The following LMF1 variants were observed in gnomAD, a reference collection of about 807,000 sequenced individuals.
LMF1 encodes lipase maturation factor 1.
In LMF1, 68 loss-of-function variants were observed where a neutral mutation model predicts 60.6. The ratio of observed to expected loss-of-function variants is 1.12; its 90% confidence interval spans 0.92 to 1.37. The LOEUF is 1.37. Among genes scored for constraint, LMF1 ranks in the 40% most tolerant of loss-of-function variants. The pLI is 0.00. For missense variants in LMF1, 948 were observed against 767.2 expected (o/e 1.24, Z -2.78); for synonymous variants, 418 against 324.7 (o/e 1.29, Z -3.09).
At chr16:932,087 C>T (rs775627951) in intron 3 of LMF1, among the ~76,000 whole-genome samples, 13 of 152,222 alleles carry the variant, frequency 8.5e-5, no homozygotes, top group Non-Finnish European at 1.3e-4. Context: ...GTTGGGGACG[C>T]GGGAGGCTGG....
chr16:947,103 AAGG>A (rs1309082577), intron 2 of LMF1, among the ~76,000 whole-genome samples: 1 of 152,204 alleles, frequency 6.6e-6, no homozygotes, highest in African/African-American at 2.4e-5. Flanking sequence ...CGCCATTTGA[AAGG>A]AGGACACGAC....
At chr16:978,947 G>A (rs900670423) in intron 1 of LMF1, 2 of 453,766 alleles carry the variant, frequency 4.4e-6, no homozygotes, top group African/African-American at 4.0e-5. Context: ...TCAGGGCTCA[G>A]CTTAAATGAC....
At chr16:980,144 A>G (rs1291001780) in intron 1 of LMF1, 7 of 233,220 alleles carry the variant, frequency 3.0e-5, no homozygotes, top group Non-Finnish European at 3.5e-5. Flanking sequence ...CAGAGATGAG[A>G]CCGCCCTCCG....
intron 5 of LMF1, among the ~76,000 whole-genome samples, chr16:891,086 C>T (rs1173518825): frequency 3.9e-5 from 6 of 152,236 alleles, no homozygotes; most frequent in African/African-American, 1.4e-4. Context: ...ACTGGGTGCT[C>T]ATGGGGGCGG....
Position 854,268 on chromosome 16 carries a change from G to C in LMF1, c.*264C>G, listed in dbSNP as rs1291830123. 1 of 662,206 alleles carries C rather than the reference G, an allele frequency of 1.5e-6. No individual in the cohort carries two copies. The highest frequency in any genetic ancestry group is 2.9e-5 in the East Asian group (1 of 34,070). The allele number at this position is 662,206 out of a possible 1,614,324, so 41.0% of individuals were successfully genotyped here. A position where few individuals can be genotyped will look rare whatever the true frequency, so the allele number is the denominator to read the frequency against. Reference sequence around the variant, plus strand: ...GCCCCAGGCTGGGCCTCTGGGAGGAGGGTGGGATGGATGGGAGATCAGAGC... The same window carrying C: ...GCCCCAGGCTGGGCCTCTGGGAGGACGGTGGGATGGATGGGAGATCAGAGC... On this transcript the variant is annotated 3_prime_UTR_variant, in exon 11 of 11. Coordinates refer to ENST00000262301, the MANE Select transcript of LMF1 (RefSeq NM_022773.4).
chr16:854,432 G>C lies in LMF1; in HGVS notation c.*100C>G. The C allele has an allele frequency of 8.2e-7, 1 of 1,225,276 alleles. No homozygotes were observed. Among genetic ancestry groups the C allele is most frequent in the Non-Finnish European group, 1.2e-6 (1 of 868,994 alleles). The allele number at this position is 1,225,276 out of a possible 1,614,324, so 75.9% of individuals were successfully genotyped here. A position where few individuals can be genotyped will look rare whatever the true frequency, so the allele number is the denominator to read the frequency against. On this transcript the variant is annotated 3_prime_UTR_variant, in exon 11 of 11. Coordinates refer to ENST00000262301, the MANE Select transcript of LMF1 (RefSeq NM_022773.4). ...TGGGTCCCACCGCTCTCCTCTCCAC[G>C]TCTCTCTTGGCGATGCCCAGCTTGG...
chr16:980,756 A>T (rs928670825), intron 1 of LMF1: 6 of 151,982 alleles, frequency 3.9e-5, no homozygotes, highest in African/African-American at 1.4e-4. Context: ...GGGGGGGGCA[A>T]TGTCCCCTCT....
At chr16:929,348 G>C (rs1184388046) in intron 3 of LMF1, among the ~76,000 whole-genome samples, 1 of 152,216 alleles carries the variant, frequency 6.6e-6, no homozygotes, top group Admixed American at 6.5e-5. Context: ...CATGGGGGAC[G>C]GGGACCACGC....
intron 3 of LMF1, among the ~76,000 whole-genome samples, chr16:918,925 G>C (rs1013533423): frequency 2.1e-5 from 3 of 140,270 alleles, no homozygotes; most frequent in African/African-American, 7.8e-5. Flanking sequence ...CGCCTGCTCA[G>C]AGACACCTGT....
In LMF1 at chr16:853,830, G is replaced by A; in HGVS notation, c.*702C>T. The A allele has an allele frequency of 2.2e-6, 1 of 454,142 alleles. No individual in the cohort carries two copies. The highest frequency in any genetic ancestry group is 4.4e-6 in the Non-Finnish European group (1 of 226,788). 28.1% of individuals were successfully genotyped at this position (454,142 alleles called of 1,614,324 possible). On this transcript the variant is annotated 3_prime_UTR_variant, in exon 11 of 11. Coordinates refer to ENST00000262301, the MANE Select transcript of LMF1 (RefSeq NM_022773.4). ...GGCAGCGAGGTCACAGCCTGGTGGA[G>A]GGTCTGGGTGTGCGCTGTGTCCATC...
chr16:954,333 G>C, intron 2 of LMF1, 24 bp downstream of exon 2: 1 of 1,605,434 alleles, frequency 6.2e-7, no homozygotes, highest in Non-Finnish European at 8.5e-7. Flanking sequence ...CCTAAGCTCC[G>C]ACCGCCCCAT....
intron 5 of LMF1, among the ~76,000 whole-genome samples, chr16:882,495 G>A (rs554110096): frequency 3.3e-5 from 5 of 152,360 alleles, no homozygotes; most frequent in African/African-American, 9.6e-5. Flanking sequence ...GATGCACTAG[G>A]TTCCAGTACA....
At chr16:934,519 T>G (rs1486400385) in intron 2 of LMF1, 4 of 499,580 alleles carry the variant, frequency 8.0e-6, no homozygotes, top group Non-Finnish European at 1.5e-5. Context: ...AATATGTATT[T>G]TGCGAATGAG....
chr16:926,449 G>GCACAGGATC (rs2071606709), intron 3 of LMF1, among the ~76,000 whole-genome samples: 1 of 152,278 alleles, frequency 6.6e-6, no homozygotes, highest in Non-Finnish European at 1.5e-5. Context: ...TCGTGTGTTT[G>GCACAGGATC]CACAGGATCT....
chr16:954,915 C>T (rs1474510932), intron 1 of LMF1, among the ~76,000 whole-genome samples: 7 of 145,460 alleles, frequency 4.8e-5, no homozygotes, highest in East Asian at 2.1e-4. Context: ...GAACTAGACA[C>T]GTTACATAAA....
upstream of LMF1, chr16:981,349 T>C (rs2432295): frequency 1.7e-5 from 1 of 58,014 alleles, no homozygotes; most frequent in Non-Finnish European, 3.4e-5. Flanking sequence ...AGAGAGAGAG[T>C]GTGTGTGTGT....
chr16:909,396 T>C (rs1013063716), intron 4 of LMF1, among the ~76,000 whole-genome samples: 5 of 152,098 alleles, frequency 3.3e-5, no homozygotes, highest in African/African-American at 1.2e-4. Context: ...CCCCTCACAG[T>C]GCACCAAAGC....
chr16:979,007 A>T, intron 1 of LMF1: 1 of 453,952 alleles, frequency 2.2e-6, no homozygotes, highest in South Asian at 1.6e-5. Context: ...CGCCTCTGAG[A>T]GGTGCTTTTG....
chr16:978,401 A>T (rs1327493005), intron 1 of LMF1, among the ~76,000 whole-genome samples: 1 of 152,030 alleles, frequency 6.6e-6, no homozygotes, highest in African/African-American at 2.4e-5. Context: ...CATCCCTAGG[A>T]GCCACGGGTA....
Sources: allele counts gnomAD v4.1 joint callset (sites outside exome capture counted in the v4.1 genomes callset), GRCh38; gene constraint gnomAD v4.1.1; transcripts MANE v1.5; gene names NCBI Gene and HGNC (gene_info 2026-07-23, HGNC 2026-07-21).